Variants in HLCS observed in about 807,000 individuals in gnomAD.
The protein encoded by HLCS is biotin--protein ligase.
A neutral mutation model predicts 75.0 loss-of-function variants in HLCS; 53 were observed. The ratio of observed to expected loss-of-function variants is 0.71; its 90% CI spans 0.57 to 0.89. The LOEUF (loss-of-function observed/expected upper bound fraction) is 0.89, where lower values mean the gene tolerates loss of function less well. Among genes scored for constraint, HLCS ranks in the 40% least tolerant of loss-of-function variants. The pLI, the probability that HLCS is intolerant of heterozygous loss-of-function variation, is 0.00. For synonymous variants in HLCS, 431 were observed against 428.6 expected (o/e 1.01, Z -0.07); for missense variants, 966 against 1,074.0 (o/e 0.90, Z 1.41).
chr21:36,778,897 C>G (rs1163550392), intron 6 of HLCS, among the ~76,000 whole-genome samples: 3 of 152,140 alleles, frequency 2.0e-5, no homozygotes, highest in African/African-American at 7.2e-5. Context: ...TACTTTCAGG[C>G]ATAAGAGGTT....
intron 5 of HLCS, among the ~76,000 whole-genome samples, chr21:36,923,101 A>T (rs567579032): frequency 3.0e-4 from 46 of 152,270 alleles, no homozygotes; most frequent in African/African-American, 1.1e-3. Context: ...TGACCACAGG[A>T]GCCCTTTGAT....
chr21:36,795,902 C>G (rs974725130), intron 6 of HLCS, among the ~76,000 whole-genome samples: 1 of 152,092 alleles, frequency 6.6e-6, no homozygotes, highest in Non-Finnish European at 1.5e-5. Context: ...TTAGGTCATT[C>G]AGTGGAAAAA....
chr21:36,810,826 A>C (rs1246064455), intron 6 of HLCS, among the ~76,000 whole-genome samples: 1 of 152,198 alleles, frequency 6.6e-6, no homozygotes, highest in Non-Finnish European at 1.5e-5. Flanking sequence ...TTACGCCTGG[A>C]ATACCTTATT....
intron 3 of HLCS, 69 bp downstream of exon 3, chr21:36,938,763 C>G: frequency 6.5e-7 from 1 of 1,539,556 alleles, no homozygotes; most frequent in Non-Finnish European, 8.9e-7. Context: ...CTCGGCCTTC[C>G]AAAGTGCTGG....
intron 1 of HLCS, among the ~76,000 whole-genome samples, chr21:36,966,056 G>C (rs1164073735): frequency 6.6e-6 from 1 of 152,180 alleles, no homozygotes; most frequent in Non-Finnish European, 1.5e-5. Flanking sequence ...CACCGCTCCC[G>C]GCCCGCCACA....
intron 1 of HLCS, among the ~76,000 whole-genome samples, 185 bp downstream of exon 1, chr21:36,966,259 G>A (rs1456718740): frequency 6.6e-6 from 1 of 152,162 alleles, no homozygotes; most frequent in Non-Finnish European, 1.5e-5. Context: ...TCCGTGGTCC[G>A]AGTCCCGCAC....
chr21:36,791,842 C>A (rs2060876279), intron 6 of HLCS, among the ~76,000 whole-genome samples: 1 of 152,126 alleles, frequency 6.6e-6, no homozygotes, highest in Non-Finnish European at 1.5e-5. Flanking sequence ...CCACCCCACC[C>A]CCGGCAAAAG....
At chr21:36,851,360 C>T (rs1434230873) in intron 6 of HLCS, among the ~76,000 whole-genome samples, 2 of 152,154 alleles carry the variant, frequency 1.3e-5, no homozygotes, top group Non-Finnish European at 2.9e-5. Flanking sequence ...AAAAAGAATG[C>T]GATATTGTCA....
At chr21:36,979,389 C>T (rs1239232219) in intron 1 of HLCS, among the ~76,000 whole-genome samples, 1 of 151,990 alleles carries the variant, frequency 6.6e-6, no homozygotes, top group African/African-American at 2.4e-5. Context: ...AGAAGGGGGG[C>T]ATTACCTTCA....
At chr21:36,766,937 A>G (rs1433346133) in intron 7 of HLCS, among the ~76,000 whole-genome samples, 1 of 152,218 alleles carries the variant, frequency 6.6e-6, no homozygotes, top group Non-Finnish European at 1.5e-5. Context: ...CCCAAATTGG[A>G]AAGCCCGGAA....
rs1247653286 is a variant in HLCS at position 36,938,984 on chromosome 21, C to T, written c.341G>A (p.Trp114Ter). 6.2e-7 allele frequency: 1 copy of T among 1,607,456 alleles called. No individual in the cohort carries two copies. Among genetic ancestry groups the T allele is most frequent in the Admixed American group, 1.7e-5 (1 of 59,928 alleles). ...RSSSSETIVK[W>*]SDCCLPLACR... Reference sequence around the variant, plus strand: ...AGCTAATGGCAAACAACAGTCTGACCACTTGACAATCTGAGAAAAAGCAGG... The same window carrying T: ...AGCTAATGGCAAACAACAGTCTGACTACTTGACAATCTGAGAAAAAGCAGG... The change falls in exon 3 of 11, where the codon TGG (tryptophan) becomes TAG (stop). Residue 114 changes from tryptophan (W) to a stop codon, truncating the protein, a stop_gained. Transcript: ENST00000674895. LOFTEE classifies it high-confidence loss of function.
chr21:36,981,696 G>A (rs1023658580), intron 1 of HLCS, among the ~76,000 whole-genome samples: 5 of 152,062 alleles, frequency 3.3e-5, no homozygotes, highest in Admixed American at 2.6e-4. Flanking sequence ...CACTGCATCC[G>A]GCCTTAACCT....
intron 6 of HLCS, among the ~76,000 whole-genome samples, chr21:36,837,933 C>G (rs144801019): frequency 7.9e-5 from 12 of 152,308 alleles, no homozygotes; most frequent in African/African-American, 1.4e-4. Flanking sequence ...AAGCCAATAT[C>G]TGAATAATCC....
intron 6 of HLCS, among the ~76,000 whole-genome samples, chr21:36,819,291 T>TC: frequency 6.6e-6 from 1 of 152,270 alleles, no homozygotes; most frequent in South Asian, 2.1e-4. Flanking sequence ...GCAGAAGGGT[T>TC]CCCCAGAGGG....
intron 1 of HLCS, among the ~76,000 whole-genome samples, chr21:36,985,046 A>C (rs937486846): frequency 6.6e-6 from 1 of 152,090 alleles, no homozygotes; most frequent in South Asian, 2.1e-4. Context: ...ATGACCCTTC[A>C]CCCTAGTACT....
chr21:36,874,746 C>G (rs897653267), intron 6 of HLCS, among the ~76,000 whole-genome samples: 1 of 152,188 alleles, frequency 6.6e-6, no homozygotes, highest in East Asian at 1.9e-4. Context: ...GGAGCTAACA[C>G]AGGCCAGGAA....
chr21:36,955,758 C>T (rs944297854), intron 2 of HLCS, among the ~76,000 whole-genome samples: 5 of 152,162 alleles, frequency 3.3e-5, no homozygotes, highest in South Asian at 2.1e-4. Context: ...CACATTCACA[C>T]GCCACTCACT....
At position 36,875,750 on chromosome 21, in the gene HLCS, TG is replaced by T. The variant is rs796874238; in HGVS notation, c.1892+21109del. ...TCTTCCTGGATGCAGGACAAGAACT[TG>T]GGACCTGCCCAATGGTGGAACTAAG... On this transcript the variant is annotated intron_variant, in intron 6 of 10. Coordinates refer to ENST00000674895, the MANE Select transcript of HLCS (RefSeq NM_001352514.2). 3.5e-4 allele frequency among the ~76,000 whole-genome samples: 53 copies of T among 152,304 alleles called. 1 individual carries two copies. The highest frequency in any genetic ancestry group is 1.3e-3 in the African/African-American group (53 of 41,570).
chr21:36,804,568 C>T (rs1475086110), intron 6 of HLCS, among the ~76,000 whole-genome samples: 1 of 152,154 alleles, frequency 6.6e-6, no homozygotes, highest in East Asian at 1.9e-4. Flanking sequence ...AGGCAAACAC[C>T]TGGAGTGTCT....
Sources: gnomAD v4.1 joint callset for allele counts (sites outside exome capture counted in the v4.1 genomes callset) on GRCh38, gnomAD v4.1.1 for gene constraint, MANE v1.5 for transcripts, NCBI Gene and HGNC (gene_info 2026-07-23, HGNC 2026-07-21) for gene names.